The following XPA variants were observed in gnomAD, a reference collection of about 807,000 sequenced individuals.
XPA encodes the protein XPA, DNA damage recognition and repair factor, also known as DNA repair protein complementing XP-A cells.
In XPA, 27 loss-of-function variants were observed where a neutral mutation model predicts 35.7. That is an observed-to-expected ratio of 0.76 (90% CI 0.56 to 1.04). XPA has a LOEUF of 1.04. Among genes scored for constraint, XPA ranks in the 50% least tolerant of loss-of-function variants. The pLI is 0.00. For missense variants in XPA, 354 were observed against 342.7 expected (o/e 1.03, Z -0.26); for synonymous variants, 133 against 118.4 (o/e 1.12, Z -0.80).
chr9:97,689,700 C>T, intron 2 of XPA, 61 bp from the exon 3 acceptor site: 1 of 986,188 alleles, frequency 1.0e-6, no homozygotes, highest in South Asian at 1.4e-5. Context: ...ATATTTTCCT[C>T]TATTTTATTA....
chr9:97,687,662 C>T (rs866602433), intron 3 of XPA, among the ~76,000 whole-genome samples: 1 of 152,084 alleles, frequency 6.6e-6, no homozygotes, highest in African/African-American at 2.4e-5. Flanking sequence ...TGGTTAGAAA[C>T]CACTAGAAGG....
chr9:97,682,318 T>C (rs1234278925), intron 5 of XPA: 3 of 518,948 alleles, frequency 5.8e-6, no homozygotes, highest in African/African-American at 5.8e-5. Context: ...TTTATTCCTC[T>C]CTGTTCTGAG....
At chr9:97,668,266 C>T in the XPA span, among the ~76,000 whole-genome samples, 1 of 152,132 alleles carries the variant, frequency 6.6e-6, no homozygotes, top group Non-Finnish European at 1.5e-5. Context: ...ATAAACCATG[C>T]CTTGTTTTTC....
chr9:97,697,312 C>T lies in XPA; in HGVS notation c.-20G>A, dbSNP rs781115184. ...CGCCATCTCTGGCCCACTCCGAGGA[C>T]CTAGCTCCCAGCTCCACGCACGCGC... On this transcript the variant is annotated 5_prime_UTR_variant, in exon 1 of 6. Transcript: ENST00000375128. The T allele has an allele frequency of 4.4e-6, 7 of 1,597,110 alleles. No homozygotes were observed. Among genetic ancestry groups the T allele is most frequent in the Non-Finnish European group, 5.9e-6 (7 of 1,179,114 alleles).
intron 5 of XPA, among the ~76,000 whole-genome samples, chr9:97,684,066 G>A (rs191545658): frequency 1.3e-5 from 2 of 152,198 alleles, no homozygotes; most frequent in East Asian, 3.9e-4. Context: ...CTCTTTTAGG[G>A]ATTCTGTGAT....
chr9:97,675,758 C>T, intron 5 of XPA, 171 bp from the exon 6 acceptor site: 1 of 786,210 alleles, frequency 1.3e-6, no homozygotes, highest in Non-Finnish European at 2.1e-6. Context: ...ACTTGGCAAA[C>T]TTACTTTCTT....
At chr9:97,681,065 C>T (rs1036095457) in intron 5 of XPA, among the ~76,000 whole-genome samples, 4 of 152,150 alleles carry the variant, frequency 2.6e-5, no homozygotes, top group East Asian at 1.9e-4. Context: ...TTTTTACAGA[C>T]GAAAAAATTC....
chr9:97,657,061 G>C, the XPA span, among the ~76,000 whole-genome samples: 2 of 152,098 alleles, frequency 1.3e-5, no homozygotes, highest in African/African-American at 2.4e-5. Flanking sequence ...CGCCACCTCC[G>C]GGTTCACGCC....
At chr9:97,663,630 G>A in the XPA span, among the ~76,000 whole-genome samples, 5 of 151,688 alleles carry the variant, frequency 3.3e-5, no homozygotes, top group African/African-American at 1.2e-4. Flanking sequence ...GATTACAGGC[G>A]TCCACCACCA....
intron 5 of XPA, among the ~76,000 whole-genome samples, chr9:97,684,191 TTA>T (rs1277176058): frequency 1.3e-5 from 2 of 152,208 alleles, no homozygotes; most frequent in African/African-American, 4.8e-5. Flanking sequence ...ACTCCAGAAT[TTA>T]TGTTAGCACA....
the XPA span, among the ~76,000 whole-genome samples, chr9:97,667,993 G>C: frequency 7.6e-3 from 1,151 of 152,318 alleles, 10 homozygotes; most frequent in African/African-American, 0.025. Flanking sequence ...TGTTTATAGA[G>C]AGAAAAGCAA....
intron 4 of XPA, 80 bp from the exon 5 acceptor site, chr9:97,685,120 G>T: frequency 8.6e-7 from 1 of 1,158,852 alleles, no homozygotes; most frequent in Non-Finnish European, 1.3e-6. Flanking sequence ...AAATCCAAAG[G>T]TACCAAAGAA....
chr9:97,655,611 G>A, the XPA span: 5 of 1,029,918 alleles, frequency 4.9e-6, no homozygotes, highest in Non-Finnish European at 7.2e-6. Context: ...GTAAAGTCGG[G>A]TTTTATCTGT....
At chr9:97,680,460 C>T (rs991521883) in intron 5 of XPA, among the ~76,000 whole-genome samples, 1 of 152,140 alleles carries the variant, frequency 6.6e-6, no homozygotes, top group Non-Finnish European at 1.5e-5. Flanking sequence ...CTACCCGCCT[C>T]GGCCTCCTGA....
intron 5 of XPA, among the ~76,000 whole-genome samples, chr9:97,679,973 A>G (rs1828485692): frequency 6.6e-6 from 1 of 152,232 alleles, no homozygotes; most frequent in Non-Finnish European, 1.5e-5. Flanking sequence ...ACTGAACAGC[A>G]GCTGGCCTGG....
chr9:97,655,895 G>A, the XPA span: 2 of 1,322,562 alleles, frequency 1.5e-6, no homozygotes, highest in East Asian at 4.8e-5. Context: ...AGTTACAAGT[G>A]CAATTATAAC....
the XPA span, chr9:97,655,977 T>C: frequency 1.3e-6 from 2 of 1,575,362 alleles, no homozygotes; most frequent in Non-Finnish European, 8.7e-7. Flanking sequence ...GCAGATTATA[T>C]GTAAGCATTG....
chr9:97,659,818 C>T, the XPA span, among the ~76,000 whole-genome samples: 23 of 152,288 alleles, frequency 1.5e-4, no homozygotes, highest in East Asian at 3.7e-3. Flanking sequence ...GGAATAACTC[C>T]GCCTAACATT....
intron 1 of XPA, among the ~76,000 whole-genome samples, chr9:97,694,486 T>C (rs748413930): frequency 6.6e-6 from 1 of 152,198 alleles, no homozygotes; most frequent in African/African-American, 2.4e-5. Flanking sequence ...AATGAGGATA[T>C]CCAAACGGCC....
Sources: gnomAD v4.1 joint callset for allele counts (sites outside exome capture counted in the v4.1 genomes callset) on GRCh38, gnomAD v4.1.1 for gene constraint, MANE v1.5 for transcripts, NCBI Gene and HGNC (gene_info 2026-07-23, HGNC 2026-07-21) for gene names.